DPH1: variants seen among roughly 807,000 people sequenced by gnomAD.
The protein encoded by DPH1 is diphthamide biosynthesis 1.
A neutral mutation model predicts 55.3 loss-of-function variants in DPH1; 59 were observed. The ratio of observed to expected loss-of-function variants is 1.07; its 90% CI spans 0.87 to 1.33. The LOEUF is 1.33. DPH1 is among the 40% of genes most tolerant of loss of function. DPH1 has a pLI of 0.00. For missense variants in DPH1, 628 were observed against 584.8 expected, an observed-to-expected ratio of 1.07 and a Z score of -0.76; for synonymous variants, 238 against 235.5, an observed-to-expected ratio of 1.01 and a Z score of -0.10.
In DPH1 at chr17:2,039,441, G is replaced by C. The variant is rs564381426; in HGVS notation, c.681-314G>C. 2.8e-4 allele frequency: 67 copies of C among 235,440 alleles called. 1 individual carries two copies. The South Asian group carries it at 3.9e-3, about 14-fold the overall frequency. 14.6% of individuals were successfully genotyped at this position (235,440 alleles called of 1,614,324 possible). Reference sequence around the variant, plus strand: ...CACCCAGGCTGGAGTGCAGTGGCGCGATCTCAGCTCACTGCAAGCTACGCC... The same window carrying C: ...CACCCAGGCTGGAGTGCAGTGGCGCCATCTCAGCTCACTGCAAGCTACGCC... On this transcript the variant is annotated intron_variant, in intron 6 of 12. Transcript: ENST00000263083.
At chr17:2,040,480 C>A (rs1340257105) in intron 8 of DPH1, 25 bp from the exon 9 acceptor site, 4 of 1,614,076 alleles carry the variant, frequency 2.5e-6, no homozygotes, top group Non-Finnish European at 3.4e-6. Flanking sequence ...CAGGTGACCC[C>A]CACCCTGCCT....
chr17:2,030,202 G>A lies in DPH1; in HGVS notation c.33G>A (p.Glu11=), dbSNP rs752358862. 3.7e-6 allele frequency: 6 copies of A among 1,600,446 alleles called. No homozygotes were observed. The South Asian group carries it at 5.7e-5, about 15-fold the overall frequency. The change falls in exon 1 of 13, where the codon GAG becomes GAA. Residue 11 remains glutamate (E), a synonymous_variant. Transcript: ENST00000263083. MAALVVSGAA[E]QGGRDGPGRG... ...CGCTGGTCGTATCCGGGGCAGCGGA[G>A]CAGGGCGGCCGAGACGGCCCTGGCA...
At chr17:2,035,241 C>T (rs889768772) in intron 3 of DPH1, among the ~76,000 whole-genome samples, 2 of 152,000 alleles carry the variant, frequency 1.3e-5, no homozygotes, top group Non-Finnish European at 2.9e-5. Flanking sequence ...GTCTTCCCCA[C>T]CCACCCCCTC....
chr17:2,041,401 C>T (rs2067520552), intron 10 of DPH1, 80 bp from the exon 11 acceptor site: 30 of 1,543,942 alleles, frequency 1.9e-5, no homozygotes, highest in Non-Finnish European at 2.3e-5. Flanking sequence ...CCTTCACAGG[C>T]CGTCGTGAGG....
In DPH1 at chr17:2,033,830, A is replaced by G. The variant is rs1285524776; in HGVS notation, c.266A>G (p.Asp89Gly). ...CTCCTCTTTGCCTGTACCATTGTGGATATCTTGGAAAGGTGAGGCTTGGGG... is the reference window on the plus strand; with the variant it reads ...CTCCTCTTTGCCTGTACCATTGTGGGTATCTTGGAAAGGTGAGGCTTGGGG... ...GLLLFACTIV[D>G]ILERFTEAEV... Residue 89 changes from aspartate to glycine, a missense_variant, in exon 3 of 13, where the codon GAT (aspartate) becomes GGT (glycine). Physicochemically the swap from Asp to Gly is moderately conservative, Grantham distance 94 (BLOSUM62 -1). Transcript: ENST00000263083. 6.2e-7 allele frequency: 1 copy of G among 1,613,946 alleles called. No individual in the cohort carries two copies. The highest frequency in any genetic ancestry group is 1.3e-5 in the African/African-American group (1 of 74,904).
intron 3 of DPH1, 62 bp downstream of exon 3, chr17:2,033,904 A>G: frequency 6.3e-7 from 1 of 1,597,714 alleles, no homozygotes; most frequent in Non-Finnish European, 8.6e-7. Context: ...TATGCTCATT[A>G]CCCGGGTGGG....
intron 3 of DPH1, 38 bp downstream of exon 3, chr17:2,033,880 C>T: frequency 6.2e-7 from 1 of 1,611,192 alleles, no homozygotes; most frequent in Non-Finnish European, 8.5e-7. Context: ...GTGAGCCAGG[C>T]TTCCCCCACC....
At chr17:2,042,375 C>G (rs371934224) in intron 12 of DPH1, 6 of 1,307,528 alleles carry the variant, frequency 4.6e-6, no homozygotes, top group Admixed American at 7.2e-5. Flanking sequence ...GACCCATACC[C>G]TCTTTGCTCA....
chr17:2,032,580 C>T (rs2067345447), intron 1 of DPH1, among the ~76,000 whole-genome samples: 1 of 152,188 alleles, frequency 6.6e-6, no homozygotes, highest in Admixed American at 6.5e-5. Context: ...TTACCAAACT[C>T]AACTTGGGTC....
intron 3 of DPH1, 42 bp from the exon 4 acceptor site, chr17:2,035,928 C>T (rs776516776): frequency 8.7e-6 from 14 of 1,612,520 alleles, no homozygotes; most frequent in African/African-American, 2.7e-5. Flanking sequence ...TACCTCAGTC[C>T]CTGTGTCCCT....
Position 2,040,606 on chromosome 17 carries a change from G to T in DPH1, c.1007+1G>T, listed in dbSNP as rs1442040506. 3 of 1,613,822 alleles carry T rather than the reference G, an allele frequency of 1.9e-6. No homozygotes were observed. Among genetic ancestry groups the T allele is most frequent in the Non-Finnish European group, 2.5e-6 (3 of 1,179,834 alleles). The stretch of plus-strand genomic sequence containing the variant: ...TTAGCCTACTTCCTGAGGTGGATGT[G>T]TGAGTATCTGCCTGGCTATGACTGG... On this transcript the variant is annotated splice_donor_variant, in intron 9 of 12. Coordinates refer to ENST00000263083, the MANE Select transcript of DPH1 (RefSeq NM_001383.6). LOFTEE classifies it high-confidence loss of function.
At chr17:2,042,319 G>C in intron 12 of DPH1, 1 of 1,382,526 alleles carries the variant, frequency 7.2e-7, no homozygotes, top group South Asian at 1.6e-5. Context: ...CCCACCCTGC[G>C]TCCACCCGCA....
chr17:2,040,065 C>G (rs2067490291), intron 7 of DPH1, among the ~76,000 whole-genome samples, 153 bp from the exon 8 acceptor site: 1 of 152,238 alleles, frequency 6.6e-6, no homozygotes, highest in African/African-American at 2.4e-5. Context: ...TGGGACAGGT[C>G]TTCCTAATGA....
Position 2,042,959 on chromosome 17 carries a change from A to G in DPH1, c.*373A>G, listed in dbSNP as rs750970512. On this transcript the variant is annotated 3_prime_UTR_variant, in exon 13 of 13. Transcript: ENST00000263083. ...CTCCATGTTTTTGGGGACACTGACA[A>G]AGTCATCCCCTCTCAGGAGAGTGTG... 6.2e-7 allele frequency: 1 copy of G among 1,614,086 alleles called. No individual in the cohort carries two copies. The highest frequency in any genetic ancestry group is 8.5e-7 in the Non-Finnish European group (1 of 1,180,006).
intron 6 of DPH1, among the ~76,000 whole-genome samples, chr17:2,038,476 C>T (rs2067459961): frequency 6.6e-6 from 1 of 152,190 alleles, no homozygotes; most frequent in African/African-American, 2.4e-5. Flanking sequence ...GTTAGGAAAC[C>T]TGCCGCACAG....
At chr17:2,030,119 C>T (rs1006751826), upstream of DPH1, 1 of 1,570,390 alleles carries the variant, frequency 6.4e-7, no homozygotes, top group Non-Finnish European at 8.6e-7. Context: ...TGTCTGCGCT[C>T]TCCGCGTTCT....
rs200205951 is a variant in DPH1 at position 2,041,482 on chromosome 17, C to T, written c.1088C>T (p.Ala363Val). The change falls in exon 11 of 13, where the codon GCG becomes GTG. Residue 363 changes from alanine (A) to valine (V), a missense_variant and splice_region_variant. Ala to Val is a moderately conservative substitution (Grantham distance 64). Coordinates refer to ENST00000263083, the MANE Select transcript of DPH1 (RefSeq NM_001383.6). ...TTGTCCCTCCCTCCCCTCCCCTAGGCGGCCGTGGCTCTGAGGGACATTTCC... is the reference window on the plus strand; with the variant it reads ...TTGTCCCTCCCTCCCCTCCCCTAGGTGGCCGTGGCTCTGAGGGACATTTCC... The part of the protein sequence containing the change: ...FPKPLLTPYE[A>V]AVALRDISWQ... 5 of 1,602,724 alleles carry T rather than the reference C, an allele frequency of 3.1e-6. No individual in the cohort carries two copies. Among genetic ancestry groups the T allele is most frequent in the Non-Finnish European group, 2.6e-6 (3 of 1,175,580 alleles).
chr17:2,041,784 C>T lies in DPH1; in HGVS notation c.1244C>T (p.Ala415Val), dbSNP rs767331162. 1 of 1,606,032 alleles carries T rather than the reference C, an allele frequency of 6.2e-7. No individual in the cohort carries two copies. The highest frequency in any genetic ancestry group is 2.2e-5 in the East Asian group (1 of 44,550). Residue 415 changes from alanine to valine, a missense_variant, in exon 12 of 13, where the codon GCG (alanine) becomes GTG (valine). Transcript: ENST00000263083. ...CGACCTCAGGTGCAGGAGGGGTCCG[C>T]GCGTCCCCCTTCGGCCGTGGCTTGC... is the stretch of plus-strand genomic sequence containing the variant. The part of the protein sequence containing the change: ...PARGKVQEGS[A>V]RPPSAVACED...
Position 2,030,245 on chromosome 17 carries a change from G to T in DPH1, c.61+15G>T. ...CCCTGGCAGAGGTGGGTGCTGGAAC[G>T]CTGCGCCCTCCAGACCTCGCATCTC... On this transcript the variant is annotated intron_variant, in intron 1 of 12. Transcript: ENST00000263083. The T allele has an allele frequency of 6.4e-7, 1 of 1,567,462 alleles. No homozygotes were observed. The highest frequency in any genetic ancestry group is 8.6e-7 in the Non-Finnish European group (1 of 1,156,342).
Sources: gnomAD v4.1 joint callset for allele counts (sites outside exome capture counted in the v4.1 genomes callset) on GRCh38, gnomAD v4.1.1 for gene constraint, MANE v1.5 for transcripts, NCBI Gene and HGNC (gene_info 2026-07-23, HGNC 2026-07-21) for gene names.